The following ATP8A1 variants were observed in gnomAD, a reference collection of about 807,000 sequenced individuals.
The protein encoded by ATP8A1 is ATPase phospholipid transporting 8A1, also known as phospholipid-transporting ATPase IA.
A neutral mutation model predicts 177.7 loss-of-function variants in ATP8A1; 90 were observed. That is an observed-to-expected ratio of 0.51 (90% CI 0.43 to 0.60). The LOEUF (loss-of-function observed/expected upper bound fraction) is 0.60. Among genes scored for constraint, ATP8A1 ranks in the 20% least tolerant of loss-of-function variants. The pLI, the probability that ATP8A1 is intolerant of heterozygous loss-of-function variation, is 0.00. For synonymous variants in ATP8A1, 493 were observed against 485.9 expected (o/e 1.01, Z -0.19); for missense variants, 1,072 against 1,392.8 (o/e 0.77, Z 3.67).
At chr4:42,583,276 A>G (rs1405288293) in intron 9 of ATP8A1, among the ~76,000 whole-genome samples, 2 of 152,224 alleles carry the variant, frequency 1.3e-5, no homozygotes, top group African/African-American at 4.8e-5. Context: ...GAAAGAACAA[A>G]GCAATTGCAA....
intron 15 of ATP8A1, among the ~76,000 whole-genome samples, chr4:42,568,722 C>T (rs1251509323): frequency 6.6e-6 from 1 of 152,092 alleles, no homozygotes. Flanking sequence ...TTAGAATAAT[C>T]GTAAGAAACA....
At chr4:42,572,660 T>C (rs975207652) in intron 14 of ATP8A1, among the ~76,000 whole-genome samples, 8 of 152,206 alleles carry the variant, frequency 5.3e-5, no homozygotes, top group Admixed American at 1.3e-4. Context: ...CTTGAAAATA[T>C]GATACCATAA....
intron 33 of ATP8A1, among the ~76,000 whole-genome samples, chr4:42,440,301 T>C (rs796289395): frequency 6.7e-6 from 1 of 150,222 alleles, no homozygotes; most frequent in Admixed American, 6.6e-5. Flanking sequence ...AAAATATAAA[T>C]CAGGTCATGA....
intron 5 of ATP8A1, among the ~76,000 whole-genome samples, chr4:42,602,029 T>C (rs1242916132): frequency 6.6e-6 from 1 of 152,170 alleles, no homozygotes; most frequent in Non-Finnish European, 1.5e-5. Context: ...TGCAGCACTT[T>C]TGGTATATGG....
At chr4:42,427,714 T>C (rs1682776547) in intron 33 of ATP8A1, among the ~76,000 whole-genome samples, 1 of 152,208 alleles carries the variant, frequency 6.6e-6, no homozygotes, top group Non-Finnish European at 1.5e-5. Flanking sequence ...AAGCATCCCC[T>C]GAAAAGGGCC....
chr4:42,413,301 C>T (rs562149012), intron 36 of ATP8A1, among the ~76,000 whole-genome samples: 2 of 152,182 alleles, frequency 1.3e-5, no homozygotes, highest in African/African-American at 2.4e-5. Flanking sequence ...TCAACTCCAA[C>T]TCTTCTAATT....
chr4:42,442,142 C>T (rs1716707934), intron 33 of ATP8A1, among the ~76,000 whole-genome samples: 1 of 152,172 alleles, frequency 6.6e-6, no homozygotes, highest in African/African-American at 2.4e-5. Context: ...CTATTGGCCA[C>T]ACTTGCTTAA....
intron 1 of ATP8A1, among the ~76,000 whole-genome samples, chr4:42,635,272 A>G (rs926467826): frequency 3.3e-5 from 5 of 152,110 alleles, no homozygotes; most frequent in African/African-American, 1.2e-4. Context: ...GCCTGGTAAT[A>G]CGGTTATAGA....
At chr4:42,511,267 C>G (rs568032016) in intron 22 of ATP8A1, among the ~76,000 whole-genome samples, 1 of 152,240 alleles carries the variant, frequency 6.6e-6, no homozygotes, top group South Asian at 2.1e-4. Flanking sequence ...AAGATTTGAA[C>G]TTTGCGTGCT....
chr4:42,506,865 G>C, intron 23 of ATP8A1, 151 bp downstream of exon 23: 1 of 895,066 alleles, frequency 1.1e-6, no homozygotes, highest in Non-Finnish European at 1.7e-6. Flanking sequence ...TTATGGATGG[G>C]AGGCAGAGAT....
chr4:42,468,877 C>A (rs1720099625), intron 25 of ATP8A1, among the ~76,000 whole-genome samples: 1 of 152,108 alleles, frequency 6.6e-6, no homozygotes, highest in African/African-American at 2.4e-5. Context: ...CAGTTGGTTG[C>A]TAAACAAAGA....
intron 5 of ATP8A1, among the ~76,000 whole-genome samples, chr4:42,607,881 G>C (rs532340939): frequency 6.6e-6 from 1 of 152,170 alleles, no homozygotes; most frequent in Non-Finnish European, 1.5e-5. Context: ...TGGTGAAGGG[G>C]AGTAGGAATA....
chr4:42,634,062 A>T (rs1359808126), intron 1 of ATP8A1, among the ~76,000 whole-genome samples: 1 of 152,196 alleles, frequency 6.6e-6, no homozygotes, highest in Non-Finnish European at 1.5e-5. Context: ...TGCAGTAGGA[A>T]TTCACTGACA....
Position 42,656,928 on chromosome 4 carries a change from T to G in ATP8A1, c.-55A>C. 6.8e-7 allele frequency: 1 copy of G among 1,475,058 alleles called. No individual in the cohort carries two copies. Among genetic ancestry groups the G allele is most frequent in the Non-Finnish European group, 9.1e-7 (1 of 1,100,008 alleles). 91.4% of individuals were successfully genotyped at this position (1,475,058 alleles called of 1,614,324 possible). ...CCCGGACTCTGCACCTGTCACGGCG[T>G]GGTACACGCGGGAGACCCGGCTGCG... On this transcript the variant is annotated 5_prime_UTR_variant, in exon 1 of 37. Coordinates refer to ENST00000381668, the MANE Select transcript of ATP8A1 (RefSeq NM_006095.2).
At chr4:42,431,717 C>T (rs7695984) in intron 33 of ATP8A1, among the ~76,000 whole-genome samples, 62,798 of 151,902 alleles carry the variant, frequency 0.41, 13,242 homozygotes, top group African/African-American at 0.46. Context: ...ATCCTGGTAG[C>T]ATAACTCTTC....
chr4:42,486,561 G>T (rs369863774), intron 24 of ATP8A1, among the ~76,000 whole-genome samples: 1 of 152,074 alleles, frequency 6.6e-6, no homozygotes, highest in Non-Finnish European at 1.5e-5. Context: ...ATCACAATAC[G>T]GCAAACATAT....
intron 33 of ATP8A1, among the ~76,000 whole-genome samples, chr4:42,432,342 C>T (rs1469497042): frequency 6.6e-6 from 1 of 152,114 alleles, no homozygotes; most frequent in East Asian, 1.9e-4. Context: ...AGAAATATAT[C>T]AGTAGAATGC....
chr4:42,472,048 T>G, intron 25 of ATP8A1: 2 of 721,644 alleles, frequency 2.8e-6, no homozygotes, highest in Non-Finnish European at 2.6e-6. Context: ...CTCTGGCTAG[T>G]ACGTGAATTG....
intron 20 of ATP8A1, among the ~76,000 whole-genome samples, chr4:42,542,435 T>A (rs900548843): frequency 1.7e-3 from 253 of 152,048 alleles, no homozygotes; most frequent in African/African-American, 5.7e-3. Flanking sequence ...CTCTCTTTTT[T>A]AAAAAAAATT....
Sources: allele counts gnomAD v4.1 joint callset (sites outside exome capture counted in the v4.1 genomes callset), GRCh38; gene constraint gnomAD v4.1.1; transcripts MANE v1.5; gene names NCBI Gene and HGNC (gene_info 2026-07-23, HGNC 2026-07-21).